The following TMEM41B variants were observed in gnomAD, a reference collection of about 807,000 sequenced individuals.
TMEM41B encodes the protein transmembrane protein 41B, also known as protein stasimon.
In TMEM41B, 18 loss-of-function variants were observed where a neutral mutation model predicts 31.9. That is an observed-to-expected ratio of 0.56 (90% CI 0.39 to 0.84). The LOEUF is 0.84. TMEM41B is among the 40% of genes least tolerant of loss of function. TMEM41B has a pLI of 0.00. For missense variants in TMEM41B, 322 were observed against 348.0 expected (o/e 0.93, Z 0.59); for synonymous variants, 144 against 124.3 (o/e 1.16, Z -1.05).
At chr11:9,284,224 A>G (rs1008400236) in intron 6 of TMEM41B, among the ~76,000 whole-genome samples, 5 of 151,550 alleles carry the variant, frequency 3.3e-5, no homozygotes, top group African/African-American at 1.2e-4. Flanking sequence ...CACTCATTGC[A>G]GCCTCAGTCT....
intron 1 of TMEM41B, among the ~76,000 whole-genome samples, chr11:9,304,163 T>C (rs1480790332): frequency 2.0e-5 from 3 of 152,216 alleles, no homozygotes; most frequent in Admixed American, 2.0e-4. Context: ...CACAGACGTA[T>C]TGATATGTAT....
chr11:9,288,582 T>A, intron 3 of TMEM41B, 47 bp from the exon 4 acceptor site: 1 of 1,333,854 alleles, frequency 7.5e-7, no homozygotes, highest in South Asian at 1.4e-5. Flanking sequence ...AGTAGAATTT[T>A]AAAAGACAAA....
chr11:9,301,593 C>G (rs1853261696), intron 1 of TMEM41B, among the ~76,000 whole-genome samples: 1 of 152,156 alleles, frequency 6.6e-6, no homozygotes. Context: ...AATTAACACC[C>G]TTCCCCTGTC....
At position 9,287,847 on chromosome 11, in the gene TMEM41B, G is replaced by A. The variant is rs200917249; in HGVS notation, c.463-41C>T. 30 of 1,460,836 alleles carry A rather than the reference G, an allele frequency of 2.1e-5. No homozygotes were observed. In the East Asian group the frequency reaches 2.7e-4, roughly 13 times the overall value. 90.5% of individuals were successfully genotyped at this position (1,460,836 alleles called of 1,614,324 possible). A position where few individuals can be genotyped will look rare whatever the true frequency, so the allele number is the denominator to read the frequency against. On this transcript the variant is annotated intron_variant, in intron 4 of 6. Coordinates refer to ENST00000528080, the MANE Select transcript of TMEM41B (RefSeq NM_015012.4). ...AGCCATAAGCGTTTTGTATTTTTCCGTCTTACTCACATTGATTTATTCACC... is the reference window on the plus strand; with the variant it reads ...AGCCATAAGCGTTTTGTATTTTTCCATCTTACTCACATTGATTTATTCACC...
rs538639926 is a variant in TMEM41B, at chr11:9,288,383, C to T, written c.462+59G>A. On this transcript the variant is annotated intron_variant, in intron 4 of 6. Coordinates refer to ENST00000528080, the MANE Select transcript of TMEM41B (RefSeq NM_015012.4). Reference sequence around the variant, plus strand: ...TAGACTAGTAGGGTTAAAGTATCATCATCATCCTCATCATTCTATTGTTTT... The same window carrying T: ...TAGACTAGTAGGGTTAAAGTATCATTATCATCCTCATCATTCTATTGTTTT... The T allele has an allele frequency of 5.8e-4, 693 of 1,198,266 alleles. 7 individuals are homozygous for T. In the South Asian group the frequency reaches 9.4e-3, roughly 16 times the overall value. 74.2% of individuals were successfully genotyped at this position (1,198,266 alleles called of 1,614,324 possible). A position where few individuals can be genotyped will look rare whatever the true frequency, so the allele number is the denominator to read the frequency against.
rs1006980728 is a variant in TMEM41B at position 9,295,859 on chromosome 11, A to G, written c.240-472T>C. On this transcript the variant is annotated intron_variant, in intron 2 of 6. Transcript: ENST00000528080. ...TATAAATTATTATTAATTTCATTTT[A>G]TTTTTATTATTTTTTTTGACACAGT... Among the ~76,000 whole-genome samples the G allele has an allele frequency of 2.0e-5, 3 of 146,542 alleles. No homozygotes were observed. The East Asian group carries it at 6.2e-4, about 30-fold the overall frequency.
Position 9,292,476 on chromosome 11 carries a change from T to A in TMEM41B, c.368+2783A>T, listed in dbSNP as rs1852981358. 2.0e-5 allele frequency among the ~76,000 whole-genome samples: 3 copies of A among 152,128 alleles called. No homozygotes were observed. The South Asian group carries it at 6.2e-4, about 32-fold the overall frequency. ...ATTAATAATCTAAAACGTTTCCACA[T>A]ATTTAAATATTTTACAACATTATTA... On this transcript the variant is annotated intron_variant, in intron 3 of 6. Coordinates refer to ENST00000528080, the MANE Select transcript of TMEM41B (RefSeq NM_015012.4).
intron 3 of TMEM41B, among the ~76,000 whole-genome samples, chr11:9,289,284 A>G (rs919186778): frequency 1.3e-5 from 2 of 151,584 alleles, no homozygotes; most frequent in Non-Finnish European, 2.9e-5. Flanking sequence ...GATATGAGCG[A>G]CTACACCCGG....
intron 6 of TMEM41B, among the ~76,000 whole-genome samples, chr11:9,284,245 A>G (rs1346881627): frequency 6.6e-6 from 1 of 151,796 alleles, no homozygotes; most frequent in Non-Finnish European, 1.5e-5. Flanking sequence ...CTCGAGGCTC[A>G]GGTGATTGTC....
At chr11:9,311,149 A>C in intron 1 of TMEM41B, 1 of 1,033,038 alleles carries the variant, frequency 9.7e-7, no homozygotes, top group Non-Finnish European at 1.3e-6. Context: ...GCTCAACAGC[A>C]GGGTGAAGCT....
At chr11:9,310,873 A>G (rs1368483287) in intron 1 of TMEM41B, among the ~76,000 whole-genome samples, 1 of 152,124 alleles carries the variant, frequency 6.6e-6, no homozygotes, top group Non-Finnish European at 1.5e-5. Context: ...TGTATTTTCC[A>G]CTAAATTCCC....
intron 1 of TMEM41B, among the ~76,000 whole-genome samples, chr11:9,305,980 T>TTTTTC (rs1554944751): frequency 5.6e-4 from 28 of 49,866 alleles, no homozygotes; most frequent in African/African-American, 2.4e-3. Context: ...AGCACTTTTC[T>TTTTTC]TTTTTTTTTT....
At position 9,302,840 on chromosome 11, in the gene TMEM41B, A is replaced by G. The variant is rs1416963858; in HGVS notation, c.122-3139T>C. On this transcript the variant is annotated intron_variant, in intron 1 of 6. Transcript: ENST00000528080. ...GAGGCCCAAAGAAGAAGGGTATACTATTTTTTAAAAAAAAATCCTGAGCCA... is the reference window on the plus strand; with the variant it reads ...GAGGCCCAAAGAAGAAGGGTATACTGTTTTTTAAAAAAAAATCCTGAGCCA... Among the ~76,000 whole-genome samples, 2 of 98,892 alleles carry G rather than the reference A, an allele frequency of 2.0e-5. 1 individual carries two copies. Among genetic ancestry groups the G allele is most frequent in the Admixed American group, 1.9e-4 (2 of 10,276 alleles). 64.9% of individuals were successfully genotyped at this position (98,892 alleles called of 152,430 possible). A position where few individuals can be genotyped will look rare whatever the true frequency, so the allele number is the denominator to read the frequency against.
intron 3 of TMEM41B, among the ~76,000 whole-genome samples, chr11:9,291,719 C>T (rs908355622): frequency 5.0e-5 from 7 of 141,020 alleles, no homozygotes; most frequent in Non-Finnish European, 1.1e-4. Flanking sequence ...TTTTTCCTTT[C>T]GTTTTTGTGG....
At chr11:9,284,800 T>C (rs986504021) in intron 6 of TMEM41B, among the ~76,000 whole-genome samples, 1 of 151,740 alleles carries the variant, frequency 6.6e-6, no homozygotes, top group Non-Finnish European at 1.5e-5. Flanking sequence ...TGCTCTGTTC[T>C]AGCAATTTCA....
Position 9,288,199 on chromosome 11 carries a change from G to A in TMEM41B, c.462+243C>T, listed in dbSNP as rs905316639. 16 of 361,242 alleles carry A rather than the reference G, an allele frequency of 4.4e-5. 1 individual carries two copies. The highest frequency in any genetic ancestry group is 9.6e-5 in the Admixed American group (2 of 20,866). 22.4% of individuals were successfully genotyped at this position (361,242 alleles called of 1,614,324 possible). On this transcript the variant is annotated intron_variant, in intron 4 of 6. Transcript: ENST00000528080. The stretch of plus-strand genomic sequence containing the variant: ...GCTCACCAACACTCCTTGGACTGTC[G>A]CAGTTACAAAATCCAATAGGAAAGA...
In TMEM41B at chr11:9,287,916, G is replaced by A. The variant is rs1852872597; in HGVS notation, c.463-110C>T. ...AATTTACTTCTTTCAGAGGTGGGGA[G>A]GGTACTCTGCATGACATCTCTTGTG... On this transcript the variant is annotated intron_variant, in intron 4 of 6. Coordinates refer to ENST00000528080, the MANE Select transcript of TMEM41B (RefSeq NM_015012.4). The A allele has an allele frequency of 6.3e-6, 5 of 791,282 alleles. No individual in the cohort carries two copies. The East Asian group carries it at 1.1e-4, about 17-fold the overall frequency. The allele number at this position is 791,282 out of a possible 1,614,324, so 49.0% of individuals were successfully genotyped here.
intron 4 of TMEM41B, 127 bp downstream of exon 4, chr11:9,288,314 AC>A: frequency 1.6e-6 from 1 of 628,620 alleles, no homozygotes; most frequent in Non-Finnish European, 2.6e-6. Flanking sequence ...TTGTGGAGGG[AC>A]TTTAACATTA....
At chr11:9,309,653 T>G (rs762564762) in intron 1 of TMEM41B, among the ~76,000 whole-genome samples, 1 of 151,702 alleles carries the variant, frequency 6.6e-6, no homozygotes, top group African/African-American at 2.4e-5. Context: ...CCAGGCGCAG[T>G]GGCTTACACC....
Sources: gnomAD v4.1 joint callset for allele counts (sites outside exome capture counted in the v4.1 genomes callset) on GRCh38, gnomAD v4.1.1 for gene constraint, MANE v1.5 for transcripts, NCBI Gene and HGNC (gene_info 2026-07-23, HGNC 2026-07-21) for gene names.